PKD1L1: variants seen among roughly 807,000 people sequenced by gnomAD.
The protein encoded by PKD1L1 is polycystin 1 like 1, transient receptor potential channel interacting, also known as polycystin-1-like protein 1.
In PKD1L1, 236 loss-of-function variants were observed where a neutral mutation model predicts 323.4. The ratio of observed to expected loss-of-function variants is 0.73; its 90% CI spans 0.66 to 0.81. The LOEUF (loss-of-function observed/expected upper bound fraction) is 0.81. PKD1L1 is among the 40% of genes least tolerant of loss of function. The pLI, the probability that PKD1L1 is intolerant of heterozygous loss-of-function variation, is 0.00. For synonymous variants in PKD1L1, 1,344 were observed against 1,335.0 expected (o/e 1.01, Z -0.15); for missense variants, 3,320 against 3,508.0 (o/e 0.95, Z 1.35).
chr7:47,885,810 G>T lies in PKD1L1; in HGVS notation c.3081C>A (p.Val1027=), dbSNP rs754715819. ...AACCTTCCTCTGGAGCCTCCCCCAG[G>T]ACTGCAGAGTCCCCCGCAGGAGGAA... is the stretch of plus-strand genomic sequence containing the variant. The part of the protein sequence containing the change: ...YWIPPAGDSA[V]LGEAPEEGSL... Residue 1027 remains valine, a synonymous_variant, in exon 18 of 57, where the codon GTC becomes GTA. Transcript: ENST00000289672. The T allele has an allele frequency of 1.7e-5, 28 of 1,614,184 alleles. No individual in the cohort carries two copies. Among genetic ancestry groups the T allele is most frequent in the Non-Finnish European group, 2.3e-5 (27 of 1,180,028 alleles).
At chr7:47,866,739 A>G (rs1407612578) in intron 24 of PKD1L1, 125 bp from the exon 25 acceptor site, 3 of 703,948 alleles carry the variant, frequency 4.3e-6, no homozygotes, top group Non-Finnish European at 7.0e-6. Flanking sequence ...GTAGAAAGAG[A>G]ATGATACAAA....
chr7:47,815,197 G>T, intron 47 of PKD1L1, 137 bp downstream of exon 47: 1 of 1,157,220 alleles, frequency 8.6e-7, no homozygotes, highest in Non-Finnish European at 1.2e-6. Flanking sequence ...GGACCCACTG[G>T]AGAGCCACCG....
At chr7:47,826,838 A>G (rs2177164) in intron 45 of PKD1L1, among the ~76,000 whole-genome samples, 57,900 of 152,156 alleles carry the variant, frequency 0.38, 11,752 homozygotes, top group East Asian at 0.63. Flanking sequence ...ATATTTTATG[A>G]GAACCATAAC....
intron 33 of PKD1L1, among the ~76,000 whole-genome samples, chr7:47,844,246 T>G (rs375124585): frequency 1.3e-5 from 2 of 152,202 alleles, no homozygotes; most frequent in African/African-American, 4.8e-5. Context: ...CATATCTTAT[T>G]TACTAATTAT....
chr7:47,927,136 T>C (rs1787669030), intron 7 of PKD1L1, among the ~76,000 whole-genome samples: 1 of 151,084 alleles, frequency 6.6e-6, no homozygotes, highest in Non-Finnish European at 1.5e-5. Flanking sequence ...TTTCTAACTA[T>C]GACATAAAAC....
At position 47,947,479 on chromosome 7, in the gene PKD1L1, G is replaced by A. The variant is rs903380689; in HGVS notation, c.44+918C>T. ...CCATCATGCCAGGCCAGGGGACAGC[G>A]GTGACCCACCTGGGTCCTTACCACA... On this transcript the variant is annotated intron_variant, in intron 1 of 56. Transcript: ENST00000289672. Among the ~76,000 whole-genome samples the A allele has an allele frequency of 5.3e-5, 8 of 152,210 alleles. No individual in the cohort carries two copies. The East Asian group carries it at 7.7e-4, about 15-fold the overall frequency.
Position 47,854,862 on chromosome 7 carries a change from A to T in PKD1L1, c.4859+20T>A. The stretch of plus-strand genomic sequence containing the variant: ...ATATGTCTTACTCCAATCTCATTGT[A>T]GCTGTCACCATCAACACACCTTACT... On this transcript the variant is annotated intron_variant, in intron 30 of 56. Transcript: ENST00000289672. 1 of 1,611,584 alleles carries T rather than the reference A, an allele frequency of 6.2e-7. No individual in the cohort carries two copies. The highest frequency in any genetic ancestry group is 8.5e-7 in the Non-Finnish European group (1 of 1,178,530).
chr7:47,839,488 C>T lies in PKD1L1; in HGVS notation c.5727G>A (p.Glu1909=). The change falls in exon 36 of 57, where the codon GAG becomes GAA. Residue 1909 remains glutamate, a synonymous_variant. Coordinates refer to ENST00000289672, the MANE Select transcript of PKD1L1 (RefSeq NM_138295.5). The surrounding 1 kb of genome is among the most constrained non-coding windows in gnomAD (Gnocchi z 4.3). ...LSAGRHDGRV[E]RELTCLQGGL... is the part of the protein sequence containing the mutation. Reference sequence around the variant, plus strand: ...CCCCTTGCAGACAGGTGAGCTCCCGCTCCACGCGACCATCATGCCTGCCGG... The same window carrying T: ...CCCCTTGCAGACAGGTGAGCTCCCGTTCCACGCGACCATCATGCCTGCCGG... 1 of 1,612,470 alleles carries T rather than the reference C, an allele frequency of 6.2e-7. No individual in the cohort carries two copies. Among genetic ancestry groups the T allele is most frequent in the Non-Finnish European group, 8.5e-7 (1 of 1,179,698 alleles).
chr7:47,880,034 C>T (rs1051867198), intron 21 of PKD1L1, among the ~76,000 whole-genome samples: 7 of 150,862 alleles, frequency 4.6e-5, no homozygotes, highest in Non-Finnish European at 8.8e-5. Flanking sequence ...TTCTGCAAAA[C>T]GATGATCTCA....
chr7:47,890,878 G>A, intron 15 of PKD1L1, 115 bp from the exon 16 acceptor site: 1 of 866,480 alleles, frequency 1.2e-6, no homozygotes, highest in Non-Finnish European at 1.8e-6. Context: ...ACACGTGCTG[G>A]GAAGAGATAT....
chr7:47,959,516 C>A, the PKD1L1 span, among the ~76,000 whole-genome samples: 547 of 149,870 alleles, frequency 3.6e-3, no homozygotes, highest in Non-Finnish European at 6.8e-3. Flanking sequence ...CGGCCGCGAC[C>A]CCGTCTGGGA....
intron 24 of PKD1L1, among the ~76,000 whole-genome samples, chr7:47,872,542 A>T (rs2128744930): frequency 6.6e-6 from 1 of 152,362 alleles, no homozygotes; most frequent in Non-Finnish European, 1.5e-5. Flanking sequence ...TGGGTAAAGT[A>T]CTAAGCAGAC....
chr7:47,960,437 A>G, the PKD1L1 span, among the ~76,000 whole-genome samples: 1 of 141,832 alleles, frequency 7.1e-6, no homozygotes, highest in Admixed American at 7.3e-5. Context: ...TACAGCTGTA[A>G]TATCAAATAA....
chr7:47,900,611 C>T (rs1429827280), intron 13 of PKD1L1, among the ~76,000 whole-genome samples: 4 of 152,058 alleles, frequency 2.6e-5, no homozygotes, highest in African/African-American at 4.8e-5. Context: ...GCCTGTAATC[C>T]CAGCTACTTG....
intron 38 of PKD1L1, 39 bp from the exon 39 acceptor site, chr7:47,835,078 C>T: frequency 1.9e-6 from 3 of 1,611,114 alleles, no homozygotes; most frequent in East Asian, 4.5e-5. Flanking sequence ...GCGTGTTCCC[C>T]AGCAATGAAG....
rs185081161 is a variant in PKD1L1 at position 47,813,424 on chromosome 7, A to G, written c.7174-131T>C. ...CAACATGGCACCCTTCTCTCCTCATAGGATCGTTCTGCAGCCTGTTTCGTG... is the reference window on the plus strand; with the variant it reads ...CAACATGGCACCCTTCTCTCCTCATGGGATCGTTCTGCAGCCTGTTTCGTG... On this transcript the variant is annotated intron_variant, in intron 48 of 56. Transcript: ENST00000289672. 1,565 of 985,234 alleles carry G rather than the reference A, an allele frequency of 1.6e-3. 3 individuals are homozygous for G. Among genetic ancestry groups the G allele is most frequent in the Non-Finnish European group, 2.0e-3 (1,300 of 645,256 alleles). 61.0% of individuals were successfully genotyped at this position (985,234 alleles called of 1,614,324 possible).
At position 47,905,800 on chromosome 7, in the gene PKD1L1, G is replaced by A. The variant is rs779808311; in HGVS notation, c.1522+43C>T. On this transcript the variant is annotated intron_variant, in intron 10 of 56. Coordinates refer to ENST00000289672, the MANE Select transcript of PKD1L1 (RefSeq NM_138295.5). The stretch of plus-strand genomic sequence containing the variant: ...CTTTCCTAATCTCAGCTGACTGCGC[G>A]AGGGAGGTTTTTGTTAAATCTGGAA... The A allele has an allele frequency of 2.1e-5, 33 of 1,608,380 alleles. No homozygotes were observed. The East Asian group carries it at 2.7e-4, about 13-fold the overall frequency.
At chr7:47,776,408 A>C (rs1562925276) in intron 56 of PKD1L1, among the ~76,000 whole-genome samples, 1 of 152,214 alleles carries the variant, frequency 6.6e-6, no homozygotes, top group Non-Finnish European at 1.5e-5. Flanking sequence ...CCCCATTGTC[A>C]CTGGCTGCTT....
At position 47,877,543 on chromosome 7, in the gene PKD1L1, G is replaced by GTGGGGC. The variant is rs779240401; in HGVS notation, c.3603_3608dup (p.Gln1201_Pro1202dup). The GTGGGGC allele has an allele frequency of 3.1e-6, 5 of 1,614,028 alleles. No homozygotes were observed. Among genetic ancestry groups the GTGGGGC allele is most frequent in the Non-Finnish European group, 4.2e-6 (5 of 1,179,968 alleles). Reference sequence around the variant, plus strand: ...AGACGGTGTGTGCTTCCAGACCATGGTGGGGCTGCACCTGACAGGCCATGT... The same window carrying GTGGGGC: ...AGACGGTGTGTGCTTCCAGACCATGGTGGGGCTGGGGCTGCACCTGACAGGCCATGT... On this transcript the variant is annotated inframe_insertion, in exon 22 of 57. Coordinates refer to ENST00000289672, the MANE Select transcript of PKD1L1 (RefSeq NM_138295.5).
Sources: allele counts gnomAD v4.1 joint callset (sites outside exome capture counted in the v4.1 genomes callset), GRCh38; gene constraint gnomAD v4.1.1; non-coding constraint Gnocchi (gnomAD v3.1); transcripts MANE v1.5; gene names NCBI Gene and HGNC (gene_info 2026-07-23, HGNC 2026-07-21).